CNTN4: variants seen among roughly 807,000 people sequenced by gnomAD.
The protein encoded by CNTN4 is contactin 4.
A neutral mutation model predicts 122.5 loss-of-function variants in CNTN4; 77 were observed. That is an observed-to-expected ratio of 0.63 (90% CI 0.52 to 0.76). The LOEUF (loss-of-function observed/expected upper bound fraction) is 0.76, where lower values mean the gene tolerates loss of function less well. Among genes scored for constraint, CNTN4 ranks in the 30% least tolerant of loss-of-function variants. The pLI is 0.00. For missense variants in CNTN4, 1,256 were observed against 1,259.1 expected (o/e 1.00, Z 0.04); for synonymous variants, 512 against 447.0 (o/e 1.15, Z -1.83).
At chr3:2,481,059 TTCTC>T (rs1164875792) in intron 3 of CNTN4, among the ~76,000 whole-genome samples, 144 of 116,840 alleles carry the variant, frequency 1.2e-3, no homozygotes, top group African/African-American at 3.4e-3. Context: ...CTTTCTTTCT[TTCTC>T]TCTTTCTCTC....
rs143597080 is a variant in CNTN4, at chr3:2,916,807, G to A, written c.1208-8822G>A. On this transcript the variant is annotated intron_variant, in intron 12 of 24. Coordinates refer to ENST00000418658, the MANE Select transcript of CNTN4 (RefSeq NM_175607.3). ...CAGAGGGGCCCCCCACCTCCCAGAC[G>A]GGGCCGCCGGGTGGAGACGCTCCTC... Among the ~76,000 whole-genome samples, 1,389 of 148,890 alleles carry A rather than the reference G, an allele frequency of 9.3e-3. 32 individuals are homozygous for A. The highest frequency in any genetic ancestry group is 0.033 in the African/African-American group (1,298 of 38,840).
At chr3:2,146,842 G>A (rs2035266767) in intron 2 of CNTN4, among the ~76,000 whole-genome samples, 1 of 152,008 alleles carries the variant, frequency 6.6e-6, no homozygotes, top group South Asian at 2.1e-4. Context: ...AGTTTCTTTT[G>A]TCTTTAGAGC....
chr3:2,638,247 T>A (rs182849843), intron 4 of CNTN4, among the ~76,000 whole-genome samples: 21 of 152,290 alleles, frequency 1.4e-4, no homozygotes, highest in Non-Finnish European at 2.5e-4. Context: ...GTTAGTGCTC[T>A]TTTGGATCCT....
At chr3:2,343,689 T>C (rs1239643539) in intron 3 of CNTN4, among the ~76,000 whole-genome samples, 2 of 152,250 alleles carry the variant, frequency 1.3e-5, no homozygotes, top group Non-Finnish European at 2.9e-5. Flanking sequence ...GTGTGTTTTG[T>C]CCTATTCTTT....
chr3:2,201,291 C>T (rs1176571008), intron 2 of CNTN4, among the ~76,000 whole-genome samples: 1 of 152,146 alleles, frequency 6.6e-6, no homozygotes, highest in Non-Finnish European at 1.5e-5. Flanking sequence ...GTTAAAAAAA[C>T]TGCCTCAATG....
chr3:3,035,732 A>C (rs1365406426), intron 17 of CNTN4, among the ~76,000 whole-genome samples: 1 of 151,954 alleles, frequency 6.6e-6, no homozygotes, highest in Non-Finnish European at 1.5e-5. Flanking sequence ...AATTCTCTAA[A>C]ATTTTTTGTA....
At chr3:2,983,673 C>G (rs1172090910) in intron 13 of CNTN4, among the ~76,000 whole-genome samples, 1 of 152,144 alleles carries the variant, frequency 6.6e-6, no homozygotes, top group African/African-American at 2.4e-5. Flanking sequence ...AGCTGAGTTA[C>G]AGAGAGATTA....
At chr3:2,734,662 T>TC (rs1193024091) in intron 4 of CNTN4, among the ~76,000 whole-genome samples, 1 of 151,876 alleles carries the variant, frequency 6.6e-6, no homozygotes, top group Non-Finnish European at 1.5e-5. Context: ...TTTTTTTTTT[T>TC]TGTCTGAGTT....
intron 4 of CNTN4, among the ~76,000 whole-genome samples, chr3:2,630,798 T>C (rs1047121597): frequency 1.3e-5 from 2 of 152,070 alleles, no homozygotes; most frequent in African/African-American, 4.8e-5. Context: ...TTAAAAAATG[T>C]GTAAAATTTA....
intron 4 of CNTN4, among the ~76,000 whole-genome samples, chr3:2,729,717 G>A (rs202114216): frequency 2.4e-4 from 36 of 151,776 alleles, no homozygotes; most frequent in South Asian, 1.0e-3. Context: ...GTTCGAGACC[G>A]GCCTGACCAA....
intron 4 of CNTN4, among the ~76,000 whole-genome samples, chr3:2,646,571 A>T (rs939800389): frequency 6.6e-6 from 1 of 152,216 alleles, no homozygotes; most frequent in East Asian, 1.9e-4. Flanking sequence ...TTGAAAGAAT[A>T]GGCACCCATA....
At chr3:2,589,761 G>T (rs1042427358) in intron 4 of CNTN4, among the ~76,000 whole-genome samples, 1 of 152,170 alleles carries the variant, frequency 6.6e-6, no homozygotes, top group African/African-American at 2.4e-5. Flanking sequence ...TCACATATGT[G>T]ACTGGCAGGC....
intron 2 of CNTN4, among the ~76,000 whole-genome samples, chr3:2,220,058 C>G (rs979100660): frequency 3.3e-5 from 5 of 152,148 alleles, no homozygotes; most frequent in African/African-American, 9.7e-5. Flanking sequence ...TTACTCATTT[C>G]TTCTCTGCCA....
intron 7 of CNTN4, among the ~76,000 whole-genome samples, chr3:2,839,616 TGA>T (rs2093308539): frequency 6.6e-6 from 1 of 152,170 alleles, no homozygotes; most frequent in Admixed American, 6.5e-5. Context: ...GCACTGCAGT[TGA>T]ATTGAAGTGA....
chr3:2,560,997 T>C (rs1185926966), intron 3 of CNTN4, among the ~76,000 whole-genome samples: 4 of 152,214 alleles, frequency 2.6e-5, no homozygotes, highest in South Asian at 2.1e-4. Flanking sequence ...ACCAGTTATC[T>C]GATTTTCTGA....
At chr3:2,815,556 T>C (rs1228110801) in intron 6 of CNTN4, among the ~76,000 whole-genome samples, 1 of 152,100 alleles carries the variant, frequency 6.6e-6, no homozygotes, top group African/African-American at 2.4e-5. Flanking sequence ...GCCTTACACC[T>C]GCAAGAATGG....
chr3:2,381,961 A>G (rs777826974), intron 3 of CNTN4, among the ~76,000 whole-genome samples: 7 of 152,132 alleles, frequency 4.6e-5, no homozygotes, highest in Admixed American at 6.5e-5. Context: ...AAGAAAATGT[A>G]TTGTTCTTCC....
chr3:3,000,070 G>A lies in CNTN4; in HGVS notation c.1486+11598G>A, dbSNP rs550906962. ...CATCTTAATAGTGATAAAATATAAA[G>A]ATTTGCATTTTTCTTCAAAACTCAG... On this transcript the variant is annotated intron_variant, in intron 14 of 24. Transcript: ENST00000418658. Among the ~76,000 whole-genome samples the A allele has an allele frequency of 9.2e-5, 14 of 152,142 alleles. No homozygotes were observed. The South Asian group carries it at 2.7e-3, about 29-fold the overall frequency.
rs561625009 is a variant in CNTN4 at position 2,178,903 on chromosome 3, C to T, written c.-145+78264C>T. 4.6e-5 allele frequency among the ~76,000 whole-genome samples: 7 copies of T among 151,968 alleles called. No homozygotes were observed. In the East Asian group the frequency reaches 5.8e-4, roughly 13 times the overall value. Reference sequence around the variant, plus strand: ...GGCTGTGTATATATTGAATGAAATACGACCAAAAAATCTGCAAATAGCAGA... The same window carrying T: ...GGCTGTGTATATATTGAATGAAATATGACCAAAAAATCTGCAAATAGCAGA... On this transcript the variant is annotated intron_variant, in intron 2 of 24. Transcript: ENST00000418658.
Sources: gnomAD v4.1 joint callset for allele counts (sites outside exome capture counted in the v4.1 genomes callset) on GRCh38, gnomAD v4.1.1 for gene constraint, MANE v1.5 for transcripts, NCBI Gene and HGNC (gene_info 2026-07-23, HGNC 2026-07-21) for gene names.